The following HGFAC variants were observed in gnomAD, a reference collection of about 807,000 sequenced individuals.
HGFAC encodes the protein hepatocyte growth factor activator serine protease.
Under a neutral mutation model 70.6 loss-of-function variants are expected in HGFAC, and 76 were observed. That is an observed-to-expected ratio of 1.08 (90% confidence interval 0.89 to 1.30). The LOEUF is 1.30. Among genes scored for constraint, HGFAC ranks in the 50% most tolerant of loss-of-function variants. The pLI, the probability that HGFAC is intolerant of heterozygous loss-of-function variation, is 0.00. For missense variants in HGFAC, 1,044 were observed against 933.7 expected (o/e 1.12, Z -1.54); for synonymous variants, 464 against 405.3 (o/e 1.14, Z -1.74).
chr4:3,447,535 T>C lies in HGFAC; in HGVS notation c.1399T>C (p.Phe467Leu), dbSNP rs1725555286. 1.2e-6 allele frequency: 2 copies of C among 1,612,530 alleles called. No homozygotes were observed. The highest frequency in any genetic ancestry group is 2.2e-5 in the East Asian group (1 of 44,892). The change falls in exon 11 of 14, where the codon TTC becomes CTC. Residue 467 changes from phenylalanine to leucine, a missense_variant. Transcript: ENST00000382774. ...CTCCGTGGTGCTGGGCCAGCACTTC[T>C]TCAACCGCACGACGGACGTGACGCA... Reference protein sequence around the residue: ...SVSVVLGQHFFNRTTDVTQTF... With the variant: ...SVSVVLGQHFLNRTTDVTQTF...
At chr4:3,447,767 C>G in intron 11 of HGFAC, 128 bp from the exon 12 acceptor site, 1 of 1,516,066 alleles carries the variant, frequency 6.6e-7, no homozygotes, top group Non-Finnish European at 9.0e-7. Context: ...GGACAGGGCA[C>G]CGCTCCCTTC....
chr4:3,444,812 C>A lies in HGFAC; in HGVS notation c.842-7C>A. On this transcript the variant is annotated splice_region_variant and splice_polypyrimidine_tract_variant and intron_variant, in intron 7 of 13. Transcript: ENST00000382774. ...GTGGGCCGGCCTCACTGCCCCTCTG[C>A]CCGCAGAGCCTGATGAGCGCTGCTT... 6.3e-7 allele frequency: 1 copy of A among 1,588,062 alleles called. No homozygotes were observed. Among genetic ancestry groups the A allele is most frequent in the South Asian group, 1.1e-5 (1 of 87,872 alleles).
intron 5 of HGFAC, 22 bp from the exon 6 acceptor site, chr4:3,444,289 G>A: frequency 6.3e-7 from 1 of 1,576,534 alleles, no homozygotes; most frequent in Non-Finnish European, 8.6e-7. Flanking sequence ...CAGGGTGTGA[G>A]GGCTTACTGT....
chr4:3,449,163 C>A, intron 13 of HGFAC, 74 bp from the exon 14 acceptor site: 1 of 1,374,374 alleles, frequency 7.3e-7, no homozygotes, highest in South Asian at 1.3e-5. Context: ...TGTCCCCAAG[C>A]TGCCACTTGG....
Position 3,441,976 on chromosome 4 carries a change from C to G in HGFAC, c.-26C>G, listed in dbSNP as rs535388402. On this transcript the variant is annotated 5_prime_UTR_variant, in exon 1 of 14. Coordinates refer to ENST00000382774, the MANE Select transcript of HGFAC (RefSeq NM_001528.4). The surrounding 1 kb of genome is among the most constrained non-coding windows in gnomAD (Gnocchi z 6.0). Reference sequence around the variant, plus strand: ...TTGGCCGCTCTGCTCCCGCCTCCCACTGCCCCTCAGGCCAGCTCAGGAGCC... The same window carrying G: ...TTGGCCGCTCTGCTCCCGCCTCCCAGTGCCCCTCAGGCCAGCTCAGGAGCC... The G allele has an allele frequency of 5.2e-6, 7 of 1,343,312 alleles. No individual in the cohort carries two copies. The South Asian group carries it at 1.1e-4, about 20-fold the overall frequency. 83.2% of individuals were successfully genotyped at this position (1,343,312 alleles called of 1,614,324 possible).
In HGFAC at chr4:3,444,961, C is replaced by A; in HGVS notation, c.984C>A (p.Ala328=). The stretch of plus-strand genomic sequence containing the variant: ...ACGTGGACTCCGTGGGCGCCGCGGC[C>A]CTGCTGGGCCTGGGCCCCCATGCCT... The part of the protein sequence containing the change: ...ELHVDSVGAA[A]LLGLGPHAYC... Residue 328 remains alanine, a synonymous_variant, in exon 8 of 14, where the codon GCC becomes GCA. Transcript: ENST00000382774. The A allele has an allele frequency of 1.9e-6, 3 of 1,603,406 alleles. No homozygotes were observed. Among genetic ancestry groups the A allele is most frequent in the Non-Finnish European group, 2.6e-6 (3 of 1,176,352 alleles).
intron 1 of HGFAC, among the ~76,000 whole-genome samples, chr4:3,442,465 A>C (rs1484454453): frequency 2.6e-5 from 4 of 152,062 alleles, no homozygotes; most frequent in Admixed American, 6.5e-5. Flanking sequence ...TGCTCCCATC[A>C]CCAAAAACTG....
At chr4:3,445,214 C>G in intron 8 of HGFAC, 51 bp from the exon 9 acceptor site, 1 of 1,468,850 alleles carries the variant, frequency 6.8e-7, no homozygotes, top group Non-Finnish European at 9.3e-7. Context: ...TCCCCATGCC[C>G]TCTTCGAGGG....
intron 13 of HGFAC, 74 bp downstream of exon 13, chr4:3,448,350 C>T: frequency 2.0e-6 from 3 of 1,523,966 alleles, no homozygotes; most frequent in South Asian, 1.2e-5. Context: ...AGATGCTTGC[C>T]CCTGGGGAGC....
intron 13 of HGFAC, among the ~76,000 whole-genome samples, chr4:3,448,991 AG>A (rs1484343310): frequency 2.0e-5 from 3 of 152,134 alleles, no homozygotes; most frequent in African/African-American, 7.2e-5. Context: ...TGGTCCACAC[AG>A]GGTTCATGCT....
chr4:3,448,415 G>A lies in HGFAC; in HGVS notation c.1785+139G>A, dbSNP rs528084514. 79 of 1,056,428 alleles carry A rather than the reference G, an allele frequency of 7.5e-5. 1 individual carries two copies. The African/African-American group carries it at 1.2e-3, about 16-fold the overall frequency. The allele number at this position is 1,056,428 out of a possible 1,614,324, so 65.4% of individuals were successfully genotyped here. A position where few individuals can be genotyped will look rare whatever the true frequency, so the allele number is the denominator to read the frequency against. ...GGGCCAGCCAGGGACCCCTGGGCAG[G>A]GAGCACACTTACTGTCGGTGGCCAG... On this transcript the variant is annotated intron_variant, in intron 13 of 13. Coordinates refer to ENST00000382774, the MANE Select transcript of HGFAC (RefSeq NM_001528.4).
Position 3,442,813 on chromosome 4 carries a change from A to AC in HGFAC, c.203dup (p.Ala69SerfsTer27). The AC allele has an allele frequency of 1.3e-6, 2 of 1,590,374 alleles. No individual in the cohort carries two copies. Among genetic ancestry groups the AC allele is most frequent in the South Asian group, 2.3e-5 (2 of 88,114 alleles). On this transcript the variant is annotated frameshift_variant, in exon 2 of 14. Coordinates refer to ENST00000382774, the MANE Select transcript of HGFAC (RefSeq NM_001528.4). LOFTEE classifies it high-confidence loss of function. ...CCTGGTGACCTCTGTGACCTCTGAG[A>AC]CCCCAGCAACAAGTGCTCCAGAGGC... is the stretch of plus-strand genomic sequence containing the variant.
chr4:3,446,714 C>T lies in HGFAC; in HGVS notation c.1355+420C>T, dbSNP rs1039104414. On this transcript the variant is annotated intron_variant, in intron 10 of 13. Coordinates refer to ENST00000382774, the MANE Select transcript of HGFAC (RefSeq NM_001528.4). ...ACTGAGGCCCAGCCCACTCAGCCGG[C>T]TCCCCTCAGTGGGGGCGCACAGCCA... Among the ~76,000 whole-genome samples, 12 of 152,288 alleles carry T rather than the reference C, an allele frequency of 7.9e-5. 1 individual carries two copies. The highest frequency in any genetic ancestry group is 6.8e-3 in the Middle Eastern group (2 of 294).
rs1725596249 is a variant in HGFAC at position 3,448,222 on chromosome 4, C to T, written c.1731C>T (p.Ile577=). 6.2e-7 allele frequency: 1 copy of T among 1,608,908 alleles called. No homozygotes were observed. Among genetic ancestry groups the T allele is most frequent in the Non-Finnish European group, 8.5e-7 (1 of 1,179,242 alleles). ...CSSPEVYGAD[I]SPNMLCAGYF... ...GCCCTGAGGTCTACGGCGCCGACAT[C>T]AGCCCCAACATGCTCTGTGCCGGCT... The change falls in exon 13 of 14, where the codon ATC becomes ATT. Residue 577 remains isoleucine (I), a synonymous_variant. Coordinates refer to ENST00000382774, the MANE Select transcript of HGFAC (RefSeq NM_001528.4).
Position 3,448,160 on chromosome 4 carries a change from G to GCCCTGGTCC in HGFAC, c.1678_1686dup (p.Pro560_Val562dup), listed in dbSNP as rs1310781980. 32 of 1,598,914 alleles carry GCCCTGGTCC rather than the reference G, an allele frequency of 2.0e-5. No homozygotes were observed. Among genetic ancestry groups the GCCCTGGTCC allele is most frequent in the Non-Finnish European group, 2.1e-5 (25 of 1,174,120 alleles). On this transcript the variant is annotated inframe_insertion, in exon 13 of 14. Coordinates refer to ENST00000382774, the MANE Select transcript of HGFAC (RefSeq NM_001528.4). ...CGGCTACTCCAGCTCCCTGCGGGAGGCCCTGGTCCCCCTGGTCGCCGACCA... is the reference window on the plus strand; with the variant it reads ...CGGCTACTCCAGCTCCCTGCGGGAGGCCCTGGTCCCCCTGGTCCCCCTGGTCGCCGACCA...
upstream of HGFAC, chr4:3,441,919 A>G: frequency 1.3e-6 from 1 of 764,822 alleles, no homozygotes; most frequent in Non-Finnish European, 2.0e-6. The surrounding 1 kb of genome is among the most constrained non-coding windows in gnomAD (Gnocchi z 6.0). Flanking sequence ...GCCAGGGTTA[A>G]TCATTTCCAC....
At position 3,447,926 on chromosome 4, in the gene HGFAC, CTG is replaced by C; in HGVS notation, c.1530_1531del (p.Ala511HisfsTer34). On this transcript the variant is annotated frameshift_variant, in exon 12 of 14. Transcript: ENST00000382774. LOFTEE classifies it high-confidence loss of function. ...TCCGGCTGAAGAAGAAAGGGGACCG[CTG>C]TGCCACACGCTCGCAGTTCGTGCAG... The part of the protein sequence containing the change: ...LIRLKKKGDR[C>X]ATRSQFVQPI... 6.2e-7 allele frequency: 1 copy of C among 1,609,712 alleles called. No homozygotes were observed. Among genetic ancestry groups the C allele is most frequent in the Non-Finnish European group, 8.5e-7 (1 of 1,178,598 alleles).
At chr4:3,445,173 G>C in intron 8 of HGFAC, 92 bp from the exon 9 acceptor site, 1 of 1,328,320 alleles carries the variant, frequency 7.5e-7, no homozygotes. Flanking sequence ...CAGGTGCGGG[G>C]AACCGCCCTG....
upstream of HGFAC, chr4:3,441,914 G>A (rs1475999628): frequency 1.4e-6 from 1 of 726,222 alleles, no homozygotes; most frequent in East Asian, 3.2e-5. This position sits in a 1 kb window ranked among gnomAD's most constrained non-coding sequence, Gnocchi z 6.0. Context: ...AGGCAGCCAG[G>A]GTTAATCATT....
Sources: gnomAD v4.1 joint callset for allele counts (sites outside exome capture counted in the v4.1 genomes callset) on GRCh38, gnomAD v4.1.1 for gene constraint, Gnocchi (gnomAD v3.1) non-coding constraint, MANE v1.5 for transcripts, NCBI Gene and HGNC (gene_info 2026-07-23, HGNC 2026-07-21) for gene names.